The following SPAG16 variants were observed in gnomAD, a reference collection of about 807,000 sequenced individuals.
SPAG16 encodes the protein sperm associated antigen 16.
SPAG16 carries 86 observed loss-of-function variants against 80.4 expected under a neutral mutation model. That is an observed-to-expected ratio of 1.07 (90% CI 0.90 to 1.28). The LOEUF is 1.28. Among genes scored for constraint, SPAG16 ranks in the 50% most tolerant of loss-of-function variants. SPAG16 has a pLI of 0.00. For synonymous variants in SPAG16, 294 were observed against 265.9 expected (o/e 1.11, Z -1.03); for missense variants, 870 against 765.3 (o/e 1.14, Z -1.61).
intron 14 of SPAG16, among the ~76,000 whole-genome samples, chr2:214,112,456 G>A (rs1279590829): frequency 6.6e-6 from 1 of 152,090 alleles, no homozygotes; most frequent in African/African-American, 2.4e-5. Context: ...AAGTCTTTTT[G>A]TGGGTCTCAA....
chr2:213,328,416 A>T (rs573655281), intron 5 of SPAG16, among the ~76,000 whole-genome samples: 245 of 152,318 alleles, frequency 1.6e-3, no homozygotes, highest in Non-Finnish European at 2.2e-3. Context: ...CTTCTAATTG[A>T]AAATGGAATC....
At chr2:214,042,789 T>C (rs1399762740) in intron 13 of SPAG16, among the ~76,000 whole-genome samples, 1 of 152,142 alleles carries the variant, frequency 6.6e-6, no homozygotes, top group African/African-American at 2.4e-5. Context: ...CTCCTGCAAA[T>C]TTATCTACCC....
chr2:213,972,459 C>A (rs1575689776), intron 12 of SPAG16, among the ~76,000 whole-genome samples: 1 of 152,062 alleles, frequency 6.6e-6, no homozygotes, highest in Non-Finnish European at 1.5e-5. Context: ...TGCACTGATA[C>A]CTGATGCAGG....
intron 14 of SPAG16, among the ~76,000 whole-genome samples, chr2:214,133,551 G>A (rs533653337): frequency 2.0e-4 from 30 of 152,128 alleles, no homozygotes; most frequent in Non-Finnish European, 3.8e-4. Context: ...CAGCTACTCC[G>A]GAGCCTGAGG....
At chr2:214,023,738 A>G (rs1285545240) in intron 13 of SPAG16, among the ~76,000 whole-genome samples, 1 of 151,780 alleles carries the variant, frequency 6.6e-6, no homozygotes, top group African/African-American at 2.4e-5. Context: ...TTCCATATAA[A>G]ACCTTTGCAT....
chr2:213,788,213 AAG>A (rs1451406187), intron 10 of SPAG16, among the ~76,000 whole-genome samples: 1 of 151,948 alleles, frequency 6.6e-6, no homozygotes, highest in Non-Finnish European at 1.5e-5. Flanking sequence ...ACTAAAAATT[AAG>A]AGTTAAATAA....
At chr2:214,326,976 A>G (rs929649828) in intron 15 of SPAG16, among the ~76,000 whole-genome samples, 1 of 148,148 alleles carries the variant, frequency 6.8e-6, no homozygotes, top group Non-Finnish European at 1.5e-5. Context: ...AAAAGTCACT[A>G]GTATTCTGTA....
intron 12 of SPAG16, among the ~76,000 whole-genome samples, chr2:213,949,969 CA>C (rs1443374550): frequency 6.6e-6 from 1 of 152,150 alleles, no homozygotes; most frequent in East Asian, 1.9e-4. Flanking sequence ...GTTCAGATGA[CA>C]GAAAAATCTA....
chr2:213,297,460 CTGTTA>C, intron 3 of SPAG16, 103 bp downstream of exon 3: 1 of 597,138 alleles, frequency 1.7e-6, no homozygotes, highest in Non-Finnish European at 2.9e-6. Flanking sequence ...GCTCAGTCAT[CTGTTA>C]TATCATTTTC....
chr2:213,862,694 C>A (rs1204824074), intron 11 of SPAG16, 66 bp downstream of exon 11: 3 of 1,541,518 alleles, frequency 1.9e-6, no homozygotes, highest in South Asian at 1.1e-5. Flanking sequence ...ACTCTGTCTG[C>A]TCACTCTGCT....
rs556019972 is a variant in SPAG16 at position 213,410,870 on chromosome 2, C to A, written c.942+35751C>A. 1.8e-4 allele frequency among the ~76,000 whole-genome samples: 27 copies of A among 152,328 alleles called. 1 individual carries two copies. Among genetic ancestry groups the A allele is most frequent in the African/African-American group, 6.3e-4 (26 of 41,580 alleles). On this transcript the variant is annotated intron_variant, in intron 9 of 15. Transcript: ENST00000331683. ...AGTAATAAGTCGTACCAAGCTCTCTCTCTCTGCTATATCCTGAAGTCCGGC... is the reference window on the plus strand; with the variant it reads ...AGTAATAAGTCGTACCAAGCTCTCTATCTCTGCTATATCCTGAAGTCCGGC...
At chr2:214,371,339 C>T (rs960472899) in intron 15 of SPAG16, among the ~76,000 whole-genome samples, 3 of 151,816 alleles carry the variant, frequency 2.0e-5, no homozygotes, top group African/African-American at 7.3e-5. Context: ...TCAAGACCAG[C>T]CTGACCAACA....
intron 15 of SPAG16, among the ~76,000 whole-genome samples, chr2:214,199,964 T>G (rs1031279635): frequency 1.1e-4 from 17 of 152,138 alleles, no homozygotes; most frequent in Admixed American, 6.6e-5. Context: ...TCCTGAGACT[T>G]TACAGAATTC....
intron 10 of SPAG16, among the ~76,000 whole-genome samples, chr2:213,673,347 GT>G (rs1276723797): frequency 6.6e-6 from 1 of 152,074 alleles, no homozygotes. Context: ...TCATTATAAT[GT>G]TACTATAGGC....
At chr2:213,460,790 A>G (rs2072316086) in intron 9 of SPAG16, among the ~76,000 whole-genome samples, 1 of 152,112 alleles carries the variant, frequency 6.6e-6, no homozygotes, top group South Asian at 2.1e-4. Flanking sequence ...CAGTAAATGT[A>G]TTTTTTAGAG....
intron 10 of SPAG16, among the ~76,000 whole-genome samples, chr2:213,557,713 G>A (rs2059472383): frequency 6.6e-6 from 1 of 152,220 alleles, no homozygotes; most frequent in South Asian, 2.1e-4. Flanking sequence ...TCATCTTCCT[G>A]AGTAGCTGGG....
At chr2:213,940,767 G>A (rs2079166753) in intron 12 of SPAG16, among the ~76,000 whole-genome samples, 2 of 152,072 alleles carry the variant, frequency 1.3e-5, no homozygotes, top group Admixed American at 1.3e-4. Context: ...TTTATGAATT[G>A]TAAATCTCTT....
At chr2:214,068,999 A>G (rs2050659144) in intron 13 of SPAG16, among the ~76,000 whole-genome samples, 1 of 152,158 alleles carries the variant, frequency 6.6e-6, no homozygotes, top group African/African-American at 2.4e-5. Flanking sequence ...CACTTAGGAC[A>G]AAAGAAATCA....
intron 13 of SPAG16, among the ~76,000 whole-genome samples, chr2:214,101,140 ATTAC>A (rs1408958566): frequency 1.4e-5 from 2 of 138,188 alleles, no homozygotes; most frequent in South Asian, 2.2e-4. Context: ...TTTGATGAGT[ATTAC>A]TTAATTTTTT....
Sources: allele counts gnomAD v4.1 joint callset (sites outside exome capture counted in the v4.1 genomes callset), GRCh38; gene constraint gnomAD v4.1.1; transcripts MANE v1.5; gene names NCBI Gene and HGNC (gene_info 2026-07-23, HGNC 2026-07-21).